The following SLC9B2 variants were observed in gnomAD, a reference collection of about 807,000 sequenced individuals.
SLC9B2 encodes solute carrier family 9 member B2, also known as sodium/hydrogen exchanger 9B2.
In SLC9B2, 39 loss-of-function variants were observed where a neutral mutation model predicts 52.2. That is an observed-to-expected ratio of 0.75 (90% confidence interval 0.58 to 0.98). The LOEUF is 0.98. SLC9B2 is among the 50% of genes least tolerant of loss of function. The pLI is 0.00. For missense variants in SLC9B2, 626 were observed against 637.5 expected (o/e 0.98, Z 0.19); for synonymous variants, 214 against 227.0 (o/e 0.94, Z 0.51).
At chr4:103,034,647 T>C (rs965553660) in intron 9 of SLC9B2, among the ~76,000 whole-genome samples, 2 of 152,158 alleles carry the variant, frequency 1.3e-5, no homozygotes, top group Non-Finnish European at 2.9e-5. Flanking sequence ...GCAAAGCACA[T>C]GAACGGACAC....
intron 9 of SLC9B2, among the ~76,000 whole-genome samples, chr4:103,034,617 A>C (rs920083142): frequency 1.3e-5 from 2 of 152,128 alleles, no homozygotes; most frequent in African/African-American, 4.8e-5. Context: ...CAAGAAACAA[A>C]CAACTCCATT....
chr4:103,046,954 C>A, intron 7 of SLC9B2, 97 bp downstream of exon 7: 1 of 1,405,546 alleles, frequency 7.1e-7, no homozygotes, highest in Non-Finnish European at 9.7e-7. Flanking sequence ...TTTAATTTGC[C>A]TTAATCAATT....
At chr4:103,038,511 A>G (rs536162036) in intron 9 of SLC9B2, among the ~76,000 whole-genome samples, 1 of 152,342 alleles carries the variant, frequency 6.6e-6, no homozygotes, top group South Asian at 2.1e-4. Flanking sequence ...GAATTTGCCT[A>G]TAAAGAAAAT....
intron 7 of SLC9B2, among the ~76,000 whole-genome samples, chr4:103,046,173 C>T (rs1351037612): frequency 1.3e-5 from 2 of 152,066 alleles, no homozygotes; most frequent in Admixed American, 6.6e-5. Context: ...AGGGAGATAA[C>T]GAGAATGTAT....
chr4:103,032,907 T>C (rs1400929789), intron 9 of SLC9B2, among the ~76,000 whole-genome samples: 3 of 152,102 alleles, frequency 2.0e-5, no homozygotes, highest in African/African-American at 7.2e-5. Flanking sequence ...ATGTGGAGGG[T>C]ACAGGCTTAA....
chr4:103,070,503 T>A (rs532228557), intron 1 of SLC9B2, among the ~76,000 whole-genome samples: 1 of 152,350 alleles, frequency 6.6e-6, no homozygotes, highest in South Asian at 2.1e-4. Flanking sequence ...TGCAGTGGCA[T>A]GATCCTAGCT....
At chr4:103,056,905 G>T (rs1241887829) in intron 4 of SLC9B2, among the ~76,000 whole-genome samples, 1 of 152,092 alleles carries the variant, frequency 6.6e-6, no homozygotes, top group African/African-American at 2.4e-5. Context: ...CATGAATGTT[G>T]GTTGATATTT....
In SLC9B2 at chr4:103,043,457, A is replaced by G. The variant is rs778494887; in HGVS notation, c.997-12T>C. The G allele has an allele frequency of 6.3e-7, 1 of 1,583,804 alleles. No homozygotes were observed. The highest frequency in any genetic ancestry group is 1.2e-5 in the South Asian group (1 of 85,180). ...CACACAAGTTTGTCCTTTAGGAGAAAAAAATTCATTTGCTCAATTATTTCA... is the reference window on the plus strand; with the variant it reads ...CACACAAGTTTGTCCTTTAGGAGAAGAAAATTCATTTGCTCAATTATTTCA... On this transcript the variant is annotated splice_polypyrimidine_tract_variant and intron_variant, in intron 8 of 11. Transcript: ENST00000394785.
intron 6 of SLC9B2, among the ~76,000 whole-genome samples, 186 bp from the exon 7 acceptor site, chr4:103,047,412 CTTTAAG>C (rs1744258765): frequency 6.9e-6 from 1 of 145,540 alleles, no homozygotes; most frequent in African/African-American, 2.6e-5. Flanking sequence ...TTTTATTATA[CTTTAAG>C]TTTTAGGGTA....
At chr4:103,032,455 T>G (rs1490908530) in intron 9 of SLC9B2, among the ~76,000 whole-genome samples, 1 of 152,018 alleles carries the variant, frequency 6.6e-6, no homozygotes, top group Non-Finnish European at 1.5e-5. Context: ...TCACTGTTGC[T>G]CCACAGAAAA....
chr4:103,031,949 A>G, intron 9 of SLC9B2, 141 bp from the exon 10 acceptor site: 1 of 723,062 alleles, frequency 1.4e-6, no homozygotes, highest in Non-Finnish European at 2.2e-6. Flanking sequence ...GTTAGCTAGA[A>G]CAGAGCAAAA....
intron 11 of SLC9B2, among the ~76,000 whole-genome samples, chr4:103,027,100 T>C (rs2110568461): frequency 6.6e-6 from 1 of 152,264 alleles, no homozygotes; most frequent in African/African-American, 2.4e-5. Flanking sequence ...TGATGACTCA[T>C]TTGTACTTAT....
chr4:103,047,387 G>GTTTTTTTTTTTTTTTTT (rs566315851), intron 6 of SLC9B2, among the ~76,000 whole-genome samples, 161 bp from the exon 7 acceptor site: 1 of 141,112 alleles, frequency 7.1e-6, no homozygotes, highest in African/African-American at 2.6e-5. Flanking sequence ...ATTGTTTTTT[G>GTTTTTTTTTTTTTTTTT]TTTTTTTTTC....
Position 103,050,265 on chromosome 4 carries a change from C to G in SLC9B2, c.560G>C (p.Arg187Pro). The G allele has an allele frequency of 1.2e-6, 2 of 1,600,382 alleles. No individual in the cohort carries two copies. The highest frequency in any genetic ancestry group is 8.5e-7 in the Non-Finnish European group (1 of 1,174,888). The change falls in exon 5 of 12, where the codon CGT (arginine) becomes CCT (proline). Residue 187 changes from arginine (R) to proline (P), a missense_variant. Physicochemically the swap from Arg to Pro is moderately radical, Grantham distance 103. Coordinates refer to ENST00000394785, the MANE Select transcript of SLC9B2 (RefSeq NM_178833.7). Reference protein sequence around the residue: ...RSIALSIILVRAGLGLDSKAL... With the variant: ...RSIALSIILVPAGLGLDSKAL... ...CTTTGAATCCAGACCAAGGCCAGCA[C>G]GAACCAGAATGATAGACAGGGCTAT...
At chr4:103,071,378 ATT>A (rs550340712) in intron 1 of SLC9B2, among the ~76,000 whole-genome samples, 236 of 90,190 alleles carry the variant, frequency 2.6e-3, no homozygotes, top group African/African-American at 7.3e-3. Context: ...TAATTTTTGT[ATT>A]TTTTTTTTTT....
chr4:103,056,877 G>A (rs1310145595), intron 4 of SLC9B2, among the ~76,000 whole-genome samples: 1 of 152,198 alleles, frequency 6.6e-6, no homozygotes, highest in African/African-American at 2.4e-5. Flanking sequence ...TATCATGAAT[G>A]AGCAAGTGCA....
At chr4:103,031,862 A>G (rs1742736667) in intron 9 of SLC9B2, 54 bp from the exon 10 acceptor site, 1 of 1,517,836 alleles carries the variant, frequency 6.6e-7, no homozygotes, top group Non-Finnish European at 9.1e-7. Context: ...TTACAAATGC[A>G]AAGAATTTTA....
chr4:103,062,488 T>C (rs1025245434), intron 3 of SLC9B2, among the ~76,000 whole-genome samples: 3 of 152,206 alleles, frequency 2.0e-5, no homozygotes, highest in African/African-American at 4.8e-5. Context: ...TGTGCTTTAC[T>C]TGAAACACAG....
chr4:103,027,860 G>A (rs1326802967), intron 11 of SLC9B2, among the ~76,000 whole-genome samples: 1 of 151,982 alleles, frequency 6.6e-6, no homozygotes, highest in Non-Finnish European at 1.5e-5. Flanking sequence ...ATTGAAATCT[G>A]GAATATAACT....
Sources: gnomAD v4.1 joint callset for allele counts (sites outside exome capture counted in the v4.1 genomes callset) on GRCh38, gnomAD v4.1.1 for gene constraint, MANE v1.5 for transcripts, NCBI Gene and HGNC (gene_info 2026-07-23, HGNC 2026-07-21) for gene names.